NBAS: variants seen among roughly 807,000 people sequenced by gnomAD.
The protein encoded by NBAS is NAG/BC035112 fusion.
A neutral mutation model predicts 302.5 loss-of-function variants in NBAS; 219 were observed. The ratio of observed to expected loss-of-function variants is 0.72; its 90% CI spans 0.65 to 0.81. NBAS has a LOEUF of 0.81. Among genes scored for constraint, NBAS ranks in the 30% least tolerant of loss-of-function variants. The pLI is 0.00. For missense variants in NBAS, 2,932 were observed against 2,841.6 expected (o/e 1.03, Z -0.72); for synonymous variants, 1,118 against 1,021.6 (o/e 1.09, Z -1.80).
intron 38 of NBAS, among the ~76,000 whole-genome samples, chr2:15,311,520 AAC>A (rs1430888892): frequency 6.6e-6 from 1 of 152,220 alleles, no homozygotes; most frequent in Non-Finnish European, 1.5e-5. Flanking sequence ...ACCACAGTGC[AAC>A]AGAGACAATT....
At chr2:14,965,080 G>T in the NBAS span, among the ~76,000 whole-genome samples, 9 of 151,940 alleles carry the variant, frequency 5.9e-5, no homozygotes, top group African/African-American at 2.2e-4. Context: ...CATTAGAAAA[G>T]AATACACTCT....
intron 19 of NBAS, among the ~76,000 whole-genome samples, chr2:15,462,025 G>T (rs1375513232): frequency 6.6e-6 from 1 of 152,138 alleles, no homozygotes; most frequent in African/African-American, 2.4e-5. Context: ...GAAATAGGCA[G>T]TAAAAATTAA....
chr2:14,974,348 G>GTA, the NBAS span, among the ~76,000 whole-genome samples: 2 of 152,204 alleles, frequency 1.3e-5, no homozygotes, highest in African/African-American at 4.8e-5. Flanking sequence ...GGTGGAGCAG[G>GTA]TATAGAGTGG....
At chr2:15,221,578 T>C (rs1420845403) in intron 47 of NBAS, among the ~76,000 whole-genome samples, 5 of 152,260 alleles carry the variant, frequency 3.3e-5, no homozygotes, top group Admixed American at 6.5e-5. Context: ...AAATTACTAA[T>C]ATAAATGTGA....
At chr2:14,992,209 C>T in the NBAS span, among the ~76,000 whole-genome samples, 1 of 152,146 alleles carries the variant, frequency 6.6e-6, no homozygotes, top group African/African-American at 2.4e-5. Flanking sequence ...TGCATTATCC[C>T]TCCCAAGTCC....
intron 12 of NBAS, 83 bp downstream of exon 12, chr2:15,488,811 A>G: frequency 6.5e-7 from 1 of 1,534,110 alleles, no homozygotes; most frequent in Non-Finnish European, 9.0e-7. Flanking sequence ...GCTGTGTACT[A>G]TAGTAAAATA....
chr2:15,007,919 A>G, the NBAS span, among the ~76,000 whole-genome samples: 1 of 152,368 alleles, frequency 6.6e-6, no homozygotes, highest in East Asian at 1.9e-4. Flanking sequence ...AATGCAGATA[A>G]TAATACCTAA....
chr2:15,038,151 C>T, the NBAS span, among the ~76,000 whole-genome samples: 13 of 145,470 alleles, frequency 8.9e-5, no homozygotes, highest in African/African-American at 2.3e-4. Flanking sequence ...CTTGCTCTGC[C>T]GCCCAAGCTG....
chr2:15,276,101 C>A (rs1020766968), intron 43 of NBAS, among the ~76,000 whole-genome samples: 1 of 152,146 alleles, frequency 6.6e-6, no homozygotes, highest in Non-Finnish European at 1.5e-5. Context: ...CCATGCCTTT[C>A]GAATCCGCCG....
At chr2:15,246,225 G>A (rs1266201625) in intron 44 of NBAS, among the ~76,000 whole-genome samples, 1 of 152,186 alleles carries the variant, frequency 6.6e-6, no homozygotes, top group Non-Finnish European at 1.5e-5. Context: ...CCCTTTCTTA[G>A]GCCTTTGCCT....
intron 32 of NBAS, among the ~76,000 whole-genome samples, chr2:15,362,838 T>C (rs539761556): frequency 6.6e-6 from 1 of 152,190 alleles, no homozygotes; most frequent in Non-Finnish European, 1.5e-5. Context: ...CTCTGTTGAC[T>C]TTACGTAAAG....
intron 23 of NBAS, among the ~76,000 whole-genome samples, chr2:15,420,326 T>C (rs751020062): frequency 2.0e-5 from 3 of 152,170 alleles, no homozygotes; most frequent in Non-Finnish European, 4.4e-5. Flanking sequence ...AGAGGTAGAC[T>C]GAGGTGGGCT....
chr2:14,960,251 C>T, the NBAS span, among the ~76,000 whole-genome samples: 12,247 of 152,208 alleles, frequency 0.08, 1,560 homozygotes, highest in African/African-American at 0.27. Flanking sequence ...CACAGCGTTT[C>T]ATCCATACTC....
the NBAS span, among the ~76,000 whole-genome samples, chr2:14,874,590 A>G: frequency 6.6e-6 from 1 of 151,362 alleles, no homozygotes; most frequent in African/African-American, 2.4e-5. Flanking sequence ...CAGTGAGCCA[A>G]GATGGCGCCA....
intron 41 of NBAS, among the ~76,000 whole-genome samples, chr2:15,289,035 C>A (rs1670184829): frequency 6.6e-6 from 1 of 152,102 alleles, no homozygotes; most frequent in African/African-American, 2.4e-5. Flanking sequence ...ACTTTGTCAA[C>A]CCATGGATTA....
chr2:15,439,427 T>C (rs1678221678), intron 21 of NBAS, among the ~76,000 whole-genome samples: 1 of 151,716 alleles, frequency 6.6e-6, no homozygotes, highest in Non-Finnish European at 1.5e-5. Context: ...TCAAAGTTCT[T>C]GAGTAATTTA....
At chr2:15,438,296 C>A (rs951727679) in intron 21 of NBAS, among the ~76,000 whole-genome samples, 14 of 152,094 alleles carry the variant, frequency 9.2e-5, no homozygotes, top group Admixed American at 9.2e-4. Flanking sequence ...TTAAATAAAT[C>A]ATATGTTATG....
At chr2:15,291,665 G>C (rs1464870345) in intron 41 of NBAS, among the ~76,000 whole-genome samples, 1 of 152,152 alleles carries the variant, frequency 6.6e-6, no homozygotes, top group South Asian at 2.1e-4. Flanking sequence ...GGGACTAAAG[G>C]AGAAACAGCT....
the NBAS span, among the ~76,000 whole-genome samples, chr2:14,818,765 A>G: frequency 2.4e-3 from 365 of 152,368 alleles, no homozygotes; most frequent in African/African-American, 8.0e-3. Flanking sequence ...TAGCAAGGCA[A>G]GCTACTGAGG....
Sources: allele counts gnomAD v4.1 joint callset (sites outside exome capture counted in the v4.1 genomes callset), GRCh38; gene constraint gnomAD v4.1.1; transcripts MANE v1.5; gene names NCBI Gene and HGNC (gene_info 2026-07-23, HGNC 2026-07-21).